The following SLF2 variants were observed in gnomAD, a reference collection of about 807,000 sequenced individuals.
SLF2 encodes SMC5/6 complex localization factor 2, also known as SMC5-SMC6 complex localization factor protein 2.
SLF2 carries 68 observed loss-of-function variants against 124.3 expected under a neutral mutation model. The ratio of observed to expected loss-of-function variants is 0.55; its 90% CI spans 0.45 to 0.67. The LOEUF is 0.67. SLF2 is among the 30% of genes least tolerant of loss of function. SLF2 has a pLI of 0.00. For synonymous variants in SLF2, 480 were observed against 478.8 expected, an observed-to-expected ratio of 1.00 and a Z score of -0.03; for missense variants, 1,246 against 1,373.7, an observed-to-expected ratio of 0.91 and a Z score of 1.47.
intron 10 of SLF2, 133 bp downstream of exon 10, chr10:100,937,610 T>C: frequency 1.6e-6 from 1 of 631,768 alleles, no homozygotes; most frequent in South Asian, 2.0e-5. Context: ...CAAAAGTCGT[T>C]TTTTTTGGTT....
intron 10 of SLF2, 123 bp downstream of exon 10, chr10:100,937,600 C>G (rs1849889474): frequency 5.7e-6 from 4 of 702,466 alleles, no homozygotes; most frequent in Admixed American, 2.9e-5. Flanking sequence ...TTTTTCTAAT[C>G]AAAAGTCGTT....
chr10:100,962,834 T>A lies in SLF2; in HGVS notation c.*922T>A, dbSNP rs1313450803. ...CACCTGAATTCTTTGGGACACTGTG[T>A]CTGTGTATGTGTGTGTGTGTGTGTG... is the stretch of plus-strand genomic sequence containing the variant. On this transcript the variant is annotated 3_prime_UTR_variant, in exon 20 of 20. Transcript: ENST00000238961. The A allele has an allele frequency of 6.7e-6, 1 of 150,100 alleles. No homozygotes were observed. The highest frequency in any genetic ancestry group is 1.5e-5 in the Non-Finnish European group (1 of 67,704). The allele number at this position is 150,100 out of a possible 1,614,324, so 9.3% of individuals were successfully genotyped here. A position where few individuals can be genotyped will look rare whatever the true frequency, so the allele number is the denominator to read the frequency against.
intron 1 of SLF2, among the ~76,000 whole-genome samples, chr10:100,915,585 C>T (rs777401151): frequency 2.8e-4 from 42 of 152,092 alleles, no homozygotes; most frequent in Non-Finnish European, 5.1e-4. Context: ...TTTTAAAACG[C>T]AGCTGTGCTT....
Position 100,962,463 on chromosome 10 carries a change from T to G in SLF2, c.*551T>G, listed in dbSNP as rs950656574. On this transcript the variant is annotated 3_prime_UTR_variant, in exon 20 of 20. Transcript: ENST00000238961. The stretch of plus-strand genomic sequence containing the variant: ...TTTATAAACCACAGGGAGGTTTCAA[T>G]CCATGCATTTTCCTTCATTACTCAA... 2 of 152,648 alleles carry G rather than the reference T, an allele frequency of 1.3e-5. No individual in the cohort carries two copies. The highest frequency in any genetic ancestry group is 4.8e-5 in the African/African-American group (2 of 41,456). The allele number at this position is 152,648 out of a possible 1,614,324, so 9.5% of individuals were successfully genotyped here. A position where few individuals can be genotyped will look rare whatever the true frequency, so the allele number is the denominator to read the frequency against.
Position 100,929,969 on chromosome 10 carries a change from C to A in SLF2, c.2305C>A (p.Gln769Lys). 1 of 1,544,670 alleles carries A rather than the reference C, an allele frequency of 6.5e-7. No homozygotes were observed. Among genetic ancestry groups the A allele is most frequent in the Non-Finnish European group, 8.7e-7 (1 of 1,148,404 alleles). ...TTTAAGAGACTCTGGTTTTATTGGACAAAGTGCTGTAGAAAAACTTATTCT... is the reference window on the plus strand; with the variant it reads ...TTTAAGAGACTCTGGTTTTATTGGAAAAAGTGCTGTAGAAAAACTTATTCT... Reference protein sequence around the residue: ...LDLRDSGFIGQSAVEKLILKS... With the variant: ...LDLRDSGFIGKSAVEKLILKS... The change falls in exon 8 of 20, where the codon CAA becomes AAA. Residue 769 changes from glutamine (Q) to lysine (K), a missense_variant. Physicochemically the swap from Gln to Lys is moderately conservative, Grantham distance 53. Around this residue, in one of 3 missense-constraint regions of SLF2, gnomAD observed 535 missense variants for 632.8 expected, o/e 0.85. Transcript: ENST00000238961.
intron 18 of SLF2, among the ~76,000 whole-genome samples, chr10:100,958,237 G>A (rs1354946858): frequency 1.3e-5 from 2 of 152,120 alleles, no homozygotes; most frequent in African/African-American, 2.4e-5. Context: ...TTAATTAGCT[G>A]CAAAGGTTAG....
rs1194311398 is a variant in SLF2 at position 100,938,587 on chromosome 10, T to G, written c.2513-8T>G. 4 of 1,604,434 alleles carry G rather than the reference T, an allele frequency of 2.5e-6. No individual in the cohort carries two copies. The highest frequency in any genetic ancestry group is 3.4e-6 in the Non-Finnish European group (4 of 1,177,126). ...ATTTAGAATGAAATGTTTTCTTCTG[T>G]TAATTAGATACCTTCAGTGACTCAC... is the stretch of plus-strand genomic sequence containing the variant. On this transcript the variant is annotated splice_polypyrimidine_tract_variant and splice_region_variant and intron_variant, in intron 10 of 19. Transcript: ENST00000238961.
chr10:100,929,179 G>A (rs1463298273), intron 6 of SLF2, 138 bp from the exon 7 acceptor site: 1 of 648,840 alleles, frequency 1.5e-6, no homozygotes, highest in African/African-American at 1.8e-5. Flanking sequence ...GACATAATTT[G>A]ACCGATAGTA....
chr10:100,926,359 T>C, intron 6 of SLF2: 1 of 1,292,096 alleles, frequency 7.7e-7, no homozygotes. Flanking sequence ...AATCCAGTAC[T>C]TTAGGAGGCC....
At chr10:100,914,903 T>C (rs1048878706) in intron 1 of SLF2, among the ~76,000 whole-genome samples, 8 of 152,224 alleles carry the variant, frequency 5.3e-5, no homozygotes, top group Admixed American at 3.9e-4. Flanking sequence ...AACCTCATAG[T>C]GGATGAATGT....
At chr10:100,939,603 G>A (rs113470732) in intron 11 of SLF2, among the ~76,000 whole-genome samples, 13,556 of 149,938 alleles carry the variant, frequency 0.09, 722 homozygotes, top group African/African-American at 0.15. Context: ...ACTTGAACCC[G>A]GGTGGCGGAG....
chr10:100,932,564 G>A (rs543147026), intron 9 of SLF2, among the ~76,000 whole-genome samples: 2 of 152,126 alleles, frequency 1.3e-5, no homozygotes, highest in Admixed American at 6.5e-5. Context: ...ACAGACTTTC[G>A]TTCATTGTTT....
chr10:100,943,757 T>G, intron 11 of SLF2: 1 of 304,618 alleles, frequency 3.3e-6, no homozygotes, highest in Non-Finnish European at 6.0e-6. Context: ...ATAGAAATCA[T>G]TAGTGTTTGC....
chr10:100,951,357 A>G (rs1218495537), intron 17 of SLF2, among the ~76,000 whole-genome samples: 2 of 152,230 alleles, frequency 1.3e-5, no homozygotes, highest in African/African-American at 4.8e-5. Flanking sequence ...AACATCACCA[A>G]ATACCAAATG....
At chr10:100,926,468 G>T in intron 6 of SLF2, 1 of 507,170 alleles carries the variant, frequency 2.0e-6, no homozygotes, top group Non-Finnish European at 3.3e-6. Context: ...GCCAGTCATG[G>T]TGCCACATAC....
chr10:100,926,156 A>T, intron 6 of SLF2, 137 bp downstream of exon 6: 1 of 1,561,204 alleles, frequency 6.4e-7, no homozygotes, highest in Non-Finnish European at 8.7e-7. Flanking sequence ...TGTTAGAATA[A>T]GATATGTTGG....
At chr10:100,937,952 G>A (rs1052226621) in intron 10 of SLF2, among the ~76,000 whole-genome samples, 2 of 152,102 alleles carry the variant, frequency 1.3e-5, no homozygotes, top group African/African-American at 4.8e-5. Context: ...GTTAAACAAC[G>A]AGTATCTGAA....
chr10:100,934,779 A>ATT (rs573864336), intron 9 of SLF2, among the ~76,000 whole-genome samples: 1 of 140,180 alleles, frequency 7.1e-6, no homozygotes, highest in Non-Finnish European at 1.6e-5. Context: ...CGCCCAGCTA[A>ATT]TTTTTTTTTT....
intron 4 of SLF2, among the ~76,000 whole-genome samples, chr10:100,923,510 C>T (rs537023697): frequency 6.6e-5 from 10 of 151,560 alleles, no homozygotes; most frequent in African/African-American, 2.4e-4. Flanking sequence ...TGGGACACAG[C>T]GTGATTTTTT....
Sources: allele counts gnomAD v4.1 joint callset (sites outside exome capture counted in the v4.1 genomes callset), GRCh38; gene constraint gnomAD v4.1.1; regional missense constraint gnomAD v4.1.1; transcripts MANE v1.5; gene names NCBI Gene and HGNC (gene_info 2026-07-23, HGNC 2026-07-21).